ANGPT1: variants seen among roughly 807,000 people sequenced by gnomAD.
The protein encoded by ANGPT1 is angiopoietin-1.
In ANGPT1, 17 loss-of-function variants were observed where a neutral mutation model predicts 62.2. That is an observed-to-expected ratio of 0.27 (90% confidence interval 0.19 to 0.41). The LOEUF (loss-of-function observed/expected upper bound fraction) is 0.41. Ranked by LOEUF, ANGPT1 falls within the 10% of genes least tolerant of loss-of-function variation. The probability of loss-of-function intolerance (pLI) is 1.00; values close to 1 mark genes in which losing one functional copy is unlikely to be tolerated. For synonymous variants in ANGPT1, 199 were observed against 198.9 expected (o/e 1.00, Z 0.00); for missense variants, 478 against 594.9 (o/e 0.80, Z 2.04).
rs1306597866 is a variant in ANGPT1, at chr8:107,425,952, G to C, written c.297+71310C>G. Among the ~76,000 whole-genome samples, 4 of 152,214 alleles carry C rather than the reference G, an allele frequency of 2.6e-5. No individual in the cohort carries two copies. In the South Asian group the frequency reaches 6.2e-4, roughly 24 times the overall value. ...AGCTCCAGGTTTTGTGGGGCCCCAG[G>C]CTTATACCATTTGGTAATCCTCTTG... On this transcript the variant is annotated intron_variant, in intron 1 of 8. Coordinates refer to ENST00000517746, the MANE Select transcript of ANGPT1 (RefSeq NM_001146.5).
chr8:107,343,816 C>A (rs1815746323), intron 2 of ANGPT1, among the ~76,000 whole-genome samples: 1 of 152,198 alleles, frequency 6.6e-6, no homozygotes, highest in Non-Finnish European at 1.5e-5. Context: ...AATCCAAGCA[C>A]TTTGGGAGGC....
In ANGPT1 at chr8:107,251,974, T is replaced by C; in HGVS notation, c.1378A>G (p.Met460Val). The C allele has an allele frequency of 1.2e-6, 2 of 1,613,816 alleles. No homozygotes were observed. The highest frequency in any genetic ancestry group is 8.5e-7 in the Non-Finnish European group (1 of 1,179,826). The change falls in exon 9 of 9, where the codon ATG becomes GTG. Residue 460 changes from methionine (M) to valine (V), a missense_variant. Transcript: ENST00000517746. ...TGGTTTTGTCCCGCAGTATAGAACA[T>C]TCCATTTAGATTGGAGGGGCCACAA... ...DACGPSNLNG[M>V]FYTAGQNHGK...
chr8:107,439,267 C>A (rs530191790), intron 1 of ANGPT1, among the ~76,000 whole-genome samples: 1 of 152,158 alleles, frequency 6.6e-6, no homozygotes, highest in Non-Finnish European at 1.5e-5. Flanking sequence ...CAGAGTCAGA[C>A]CTGGGAGTAA....
chr8:107,430,610 C>T (rs1033533275), intron 1 of ANGPT1, among the ~76,000 whole-genome samples: 3 of 151,968 alleles, frequency 2.0e-5, no homozygotes, highest in Non-Finnish European at 4.4e-5. Flanking sequence ...CCAGGTAAGC[C>T]CAATGGAATC....
intron 7 of ANGPT1, among the ~76,000 whole-genome samples, chr8:107,283,785 AG>A (rs1181204604): frequency 6.6e-6 from 1 of 152,236 alleles, no homozygotes. Context: ...ACACAATTAA[AG>A]ACCTGCTAGG....
chr8:107,377,508 AATC>A (rs1741181378), intron 1 of ANGPT1, among the ~76,000 whole-genome samples: 2 of 152,218 alleles, frequency 1.3e-5, no homozygotes, highest in Admixed American at 6.5e-5. Context: ...TAAAGATAGT[AATC>A]TCACTGAAGG....
chr8:107,285,615 G>A (rs948031930), intron 6 of ANGPT1, among the ~76,000 whole-genome samples: 2 of 152,090 alleles, frequency 1.3e-5, no homozygotes, highest in East Asian at 1.9e-4. Context: ...TTTGGGGGAA[G>A]TCAAGGTTGT....
chr8:107,325,453 T>G lies in ANGPT1; in HGVS notation c.576-3325A>C, dbSNP rs190510854. 4.3e-4 allele frequency among the ~76,000 whole-genome samples: 66 copies of G among 152,314 alleles called. No homozygotes were observed. In the East Asian group the frequency reaches 7.0e-3, roughly 16 times the overall value. ...GCATTACCTATTAAACTGGCAAGCATGTAGATATCAAAATTTGAACGTTAT... is the reference window on the plus strand; with the variant it reads ...GCATTACCTATTAAACTGGCAAGCAGGTAGATATCAAAATTTGAACGTTAT... On this transcript the variant is annotated intron_variant, in intron 3 of 8. Transcript: ENST00000517746.
chr8:107,284,889 G>A (rs779985221), intron 6 of ANGPT1, 41 bp from the exon 7 acceptor site: 5 of 1,387,822 alleles, frequency 3.6e-6, no homozygotes, highest in Non-Finnish European at 4.8e-6. Flanking sequence ...CTTTAGAGAG[G>A]AATTCTTTTC....
chr8:107,257,887 G>GTTTTTTTTTTTTTTTTTTTT (rs774474320), intron 8 of ANGPT1, among the ~76,000 whole-genome samples: 1 of 110,946 alleles, frequency 9.0e-6, no homozygotes, highest in African/African-American at 3.3e-5. Context: ...TTTCTTTTTT[G>GTTTTTTTTTTTTTTTTTTTT]TTTGTTTGTT....
At chr8:107,315,770 T>A (rs1158603701) in intron 4 of ANGPT1, among the ~76,000 whole-genome samples, 1 of 152,162 alleles carries the variant, frequency 6.6e-6, no homozygotes, top group Non-Finnish European at 1.5e-5. Context: ...AAATGTGTGC[T>A]TATATCCTTG....
intron 1 of ANGPT1, among the ~76,000 whole-genome samples, chr8:107,420,352 C>A (rs542531769): frequency 1.8e-4 from 27 of 152,098 alleles, no homozygotes; most frequent in Admixed American, 7.2e-4. Context: ...CCAAGGTAGT[C>A]GTGTACCATA....
intron 6 of ANGPT1, among the ~76,000 whole-genome samples, chr8:107,287,528 G>C (rs1428852232): frequency 6.6e-6 from 1 of 152,144 alleles, no homozygotes; most frequent in Non-Finnish European, 1.5e-5. Context: ...AATCAAAATG[G>C]CTGCAATATA....
intron 1 of ANGPT1, among the ~76,000 whole-genome samples, chr8:107,412,186 G>A (rs551486717): frequency 4.1e-4 from 63 of 152,256 alleles, no homozygotes; most frequent in Admixed American, 2.2e-3. Context: ...CAAACAAGGG[G>A]AGATTTTCGC....
intron 1 of ANGPT1, among the ~76,000 whole-genome samples, chr8:107,394,809 A>T (rs1816903586): frequency 6.6e-6 from 1 of 152,050 alleles, no homozygotes; most frequent in African/African-American, 2.4e-5. Flanking sequence ...TAATTTTTGT[A>T]CTCATTATTT....
intron 1 of ANGPT1, among the ~76,000 whole-genome samples, chr8:107,416,267 T>TCC (rs1173506829): frequency 6.6e-6 from 1 of 152,196 alleles, no homozygotes; most frequent in Non-Finnish European, 1.5e-5. Flanking sequence ...AAGTTGGAGT[T>TCC]CCCATGATTC....
At chr8:107,365,685 T>G (rs757590817) in intron 1 of ANGPT1, among the ~76,000 whole-genome samples, 1 of 152,154 alleles carries the variant, frequency 6.6e-6, no homozygotes, top group Non-Finnish European at 1.5e-5. Context: ...TAAAATACTC[T>G]GCCTTCCAAA....
chr8:107,490,152 T>C (rs929520163), intron 1 of ANGPT1, among the ~76,000 whole-genome samples: 1 of 152,184 alleles, frequency 6.6e-6, no homozygotes, highest in African/African-American at 2.4e-5. Context: ...GCACTTCTAA[T>C]GTTTATACTT....
At chr8:107,284,111 A>C (rs1186713718) in intron 7 of ANGPT1, 1 of 152,198 alleles carries the variant, frequency 6.6e-6, no homozygotes, top group Non-Finnish European at 1.5e-5. Flanking sequence ...CTATTTTTAC[A>C]TCTGCAATCA....
Sources: gnomAD v4.1 joint callset for allele counts (sites outside exome capture counted in the v4.1 genomes callset) on GRCh38, gnomAD v4.1.1 for gene constraint, MANE v1.5 for transcripts, NCBI Gene and HGNC (gene_info 2026-07-23, HGNC 2026-07-21) for gene names.